The following DLGAP1 variants were observed in gnomAD, a reference collection of about 807,000 sequenced individuals.
The protein encoded by DLGAP1 is disks large-associated protein 1.
DLGAP1 carries 11 observed loss-of-function variants against 90.8 expected under a neutral mutation model. That is an observed-to-expected ratio of 0.12 (90% CI 0.08 to 0.20). The LOEUF (loss-of-function observed/expected upper bound fraction) is 0.20. Among genes scored for constraint, DLGAP1 ranks in the 10% least tolerant of loss-of-function variants. The pLI is 1.00. For missense variants in DLGAP1, 1,050 were observed against 1,333.8 expected, an observed-to-expected ratio of 0.79 and a Z score of 3.31; for synonymous variants, 558 against 540.7, an observed-to-expected ratio of 1.03 and a Z score of -0.44.
chr18:4,329,224 A>G (rs12956157), intron 1 of DLGAP1, among the ~76,000 whole-genome samples: 7,662 of 152,026 alleles, frequency 0.05, 256 homozygotes, highest in African/African-American at 0.091. Context: ...CTTTTTCCAC[A>G]AGGATTTCCA....
chr18:4,197,947 C>T (rs1166625446), intron 1 of DLGAP1, among the ~76,000 whole-genome samples: 1 of 152,088 alleles, frequency 6.6e-6, no homozygotes, highest in Non-Finnish European at 1.5e-5. Context: ...TGTGGCCAGG[C>T]GCGGTGGCTC....
chr18:4,262,956 C>T (rs909740697), intron 1 of DLGAP1, among the ~76,000 whole-genome samples: 10 of 151,362 alleles, frequency 6.6e-5, no homozygotes, highest in African/African-American at 2.2e-4. Flanking sequence ...TTTTTTGAGA[C>T]GAAGTCTCAC....
chr18:4,007,171 A>G (rs2074319779), intron 2 of DLGAP1, among the ~76,000 whole-genome samples: 1 of 152,052 alleles, frequency 6.6e-6, no homozygotes, highest in African/African-American at 2.4e-5. Context: ...CTCCCAGGGA[A>G]TAATTATGGG....
chr18:4,107,359 T>C (rs564618421), intron 2 of DLGAP1, among the ~76,000 whole-genome samples: 3 of 152,176 alleles, frequency 2.0e-5, no homozygotes, highest in African/African-American at 4.8e-5. Context: ...AGCTGTCTTT[T>C]AGTAGAAGCA....
chr18:3,879,452 T>C lies in DLGAP1; in HGVS notation c.617A>G (p.Asp206Gly), dbSNP rs757568599. 3.1e-6 allele frequency: 5 copies of C among 1,607,060 alleles called. No individual in the cohort carries two copies. The highest frequency in any genetic ancestry group is 2.2e-5 in the East Asian group (1 of 44,864). ...GATGCACATGTCACCATCCAGGTTG[T>C]CGTCCGAGCTCCACCAGCCCGGGGA... ...STSPGWWSSD[D>G]NLDGDMCIYH... The change falls in exon 4 of 13, where the codon GAC becomes GGC. Residue 206 changes from aspartate to glycine, a missense_variant. Coordinates refer to ENST00000315677, the MANE Select transcript of DLGAP1 (RefSeq NM_004746.4). This position sits in a 1 kb window ranked among gnomAD's most constrained non-coding sequence, Gnocchi z 6.6.
intron 10 of DLGAP1, among the ~76,000 whole-genome samples, chr18:3,532,522 G>A (rs1473113489): frequency 6.7e-6 from 1 of 149,678 alleles, no homozygotes; most frequent in African/African-American, 2.5e-5. Flanking sequence ...ACGTTGCGGT[G>A]AGCCAAGATG....
intron 8 of DLGAP1, among the ~76,000 whole-genome samples, chr18:3,576,299 G>A (rs71358018): frequency 0.13 from 18,890 of 146,586 alleles, 1,244 homozygotes; most frequent in South Asian, 0.19. Context: ...TTGCTCTGTC[G>A]CCCAGGCTGG....
At chr18:3,953,300 G>A (rs981036515) in intron 3 of DLGAP1, among the ~76,000 whole-genome samples, 1 of 152,138 alleles carries the variant, frequency 6.6e-6, no homozygotes, top group Admixed American at 6.5e-5. Context: ...ACCATTGCAT[G>A]CAATAGGTAA....
At chr18:3,968,065 C>T (rs1165672367) in intron 3 of DLGAP1, among the ~76,000 whole-genome samples, 1 of 152,148 alleles carries the variant, frequency 6.6e-6, no homozygotes, top group Admixed American at 6.5e-5. Flanking sequence ...GGAAAAACTT[C>T]CTGACACTAA....
At chr18:3,858,425 G>T (rs1286022376) in intron 4 of DLGAP1, among the ~76,000 whole-genome samples, 1 of 151,256 alleles carries the variant, frequency 6.6e-6, no homozygotes, top group African/African-American at 2.4e-5. Context: ...AATATACTTA[G>T]TGCTCACAAG....
rs147909284 is a variant in DLGAP1, at chr18:4,445,617, A to G, written c.-267+9389T>C. On this transcript the variant is annotated intron_variant, in intron 1 of 12. Coordinates refer to ENST00000315677, the MANE Select transcript of DLGAP1 (RefSeq NM_004746.4). ...CCAATTTCATCCATGCCAATCATCAAGAAAGCAGCTGCTACCCCTTGAAAA... is the reference window on the plus strand; with the variant it reads ...CCAATTTCATCCATGCCAATCATCAGGAAAGCAGCTGCTACCCCTTGAAAA... Among the ~76,000 whole-genome samples, 1,108 of 152,198 alleles carry G rather than the reference A, an allele frequency of 7.3e-3. 9 individuals are homozygous for G. Among genetic ancestry groups the G allele is most frequent in the Non-Finnish European group, 0.012 (827 of 67,996 alleles).
At chr18:4,094,541 TCA>T (rs2075641550) in intron 2 of DLGAP1, among the ~76,000 whole-genome samples, 2 of 152,008 alleles carry the variant, frequency 1.3e-5, no homozygotes, top group Admixed American at 1.3e-4. Context: ...TTAAATAAAT[TCA>T]GTTTTTATAT....
intron 1 of DLGAP1, among the ~76,000 whole-genome samples, chr18:4,360,319 G>C (rs984325993): frequency 2.0e-5 from 3 of 152,070 alleles, no homozygotes; most frequent in African/African-American, 7.2e-5. Context: ...CATTTTATAG[G>C]GTTACATTAG....
chr18:4,263,392 T>C (rs1460390695), intron 1 of DLGAP1, among the ~76,000 whole-genome samples: 1 of 152,208 alleles, frequency 6.6e-6, no homozygotes, highest in Non-Finnish European at 1.5e-5. Context: ...TTTAAAAAAT[T>C]CTTCCATTCA....
chr18:4,100,124 T>G (rs2075756685), intron 2 of DLGAP1, among the ~76,000 whole-genome samples: 1 of 152,228 alleles, frequency 6.6e-6, no homozygotes, highest in Non-Finnish European at 1.5e-5. Flanking sequence ...GGTTTCTTAA[T>G]GGACCTTGAC....
chr18:3,865,272 T>C (rs2070316021), intron 4 of DLGAP1, among the ~76,000 whole-genome samples: 2 of 152,330 alleles, frequency 1.3e-5, no homozygotes, highest in African/African-American at 2.4e-5. Context: ...TTAACAATGT[T>C]ATAACTACAA....
chr18:3,857,466 AT>A (rs1488969034), intron 4 of DLGAP1, among the ~76,000 whole-genome samples: 4 of 152,130 alleles, frequency 2.6e-5, no homozygotes, highest in Non-Finnish European at 5.9e-5. Flanking sequence ...ACACAAAATG[AT>A]TTTTACCCTA....
intron 5 of DLGAP1, among the ~76,000 whole-genome samples, chr18:3,787,523 T>C (rs1268943655): frequency 7.3e-6 from 1 of 136,902 alleles, no homozygotes; most frequent in Non-Finnish European, 1.6e-5. Context: ...GGTAAACTAG[T>C]GGAAAATGAA....
At chr18:4,212,630 CAAAA>C (rs3041113) in intron 1 of DLGAP1, among the ~76,000 whole-genome samples, 2 of 121,918 alleles carry the variant, frequency 1.6e-5, no homozygotes, top group Non-Finnish European at 1.7e-5. Context: ...GACTCCATCT[CAAAA>C]AAAAAAAAAA....
Sources: gnomAD v4.1 joint callset for allele counts (sites outside exome capture counted in the v4.1 genomes callset) on GRCh38, gnomAD v4.1.1 for gene constraint, Gnocchi (gnomAD v3.1) non-coding constraint, MANE v1.5 for transcripts, NCBI Gene and HGNC (gene_info 2026-07-23, HGNC 2026-07-21) for gene names.